Variants in DYSF observed in about 807,000 individuals in gnomAD.
DYSF encodes the protein dystrophy-associated fer-1-like 1.
DYSF carries 212 observed loss-of-function variants against 274.9 expected under a neutral mutation model. The ratio of observed to expected loss-of-function variants is 0.77; its 90% CI spans 0.69 to 0.86. The LOEUF (loss-of-function observed/expected upper bound fraction) is 0.86. Among genes scored for constraint, DYSF ranks in the 40% least tolerant of loss-of-function variants. The probability of loss-of-function intolerance (pLI) is 0.00; values close to 1 mark genes in which losing one functional copy is unlikely to be tolerated. For missense variants in DYSF, 2,666 were observed against 2,783.2 expected (o/e 0.96, Z 0.95); for synonymous variants, 1,091 against 1,078.7 (o/e 1.01, Z -0.22).
intron 17 of DYSF, among the ~76,000 whole-genome samples, chr2:71,550,614 G>C (rs1189033958): frequency 6.6e-6 from 1 of 152,154 alleles, no homozygotes; most frequent in East Asian, 1.9e-4. Flanking sequence ...TAGAAGCGTA[G>C]GATGGAGAGC....
chr2:71,458,950 G>C (rs1275658985), intron 1 of DYSF, among the ~76,000 whole-genome samples: 1 of 152,194 alleles, frequency 6.6e-6, no homozygotes, highest in African/African-American at 2.4e-5. Context: ...CACTATGCAC[G>C]ATTTCTCCCC....
At chr2:71,579,412 G>A (rs1425146129) in intron 30 of DYSF, among the ~76,000 whole-genome samples, 1 of 152,162 alleles carries the variant, frequency 6.6e-6, no homozygotes, top group East Asian at 1.9e-4. Context: ...ATTTTCTAAA[G>A]GCGTGCCTGA....
chr2:71,537,345 A>T (rs2089484680), intron 16 of DYSF, among the ~76,000 whole-genome samples: 1 of 148,230 alleles, frequency 6.7e-6, no homozygotes, highest in Non-Finnish European at 1.5e-5. Flanking sequence ...TCCCAGGTTC[A>T]AGCGATTCTC....
At chr2:71,502,406 A>G (rs1271990091) in intron 3 of DYSF, among the ~76,000 whole-genome samples, 1 of 151,896 alleles carries the variant, frequency 6.6e-6, no homozygotes, top group East Asian at 1.9e-4. Context: ...TTTCTCAGGG[A>G]GGCAAGCAGA....
chr2:71,525,137 A>C (rs1354257410), intron 12 of DYSF, among the ~76,000 whole-genome samples: 1 of 152,018 alleles, frequency 6.6e-6, no homozygotes, highest in Non-Finnish European at 1.5e-5. Context: ...CCACTGCTGC[A>C]TGGGTACTCT....
intron 24 of DYSF, among the ~76,000 whole-genome samples, chr2:71,566,661 A>C (rs2092127544): frequency 6.6e-6 from 1 of 152,160 alleles, no homozygotes; most frequent in Non-Finnish European, 1.5e-5. Context: ...AGTGGGGGTC[A>C]GGCATTCCTG....
At chr2:71,601,475 A>G in intron 34 of DYSF, 24 bp from the exon 35 acceptor site, 1 of 1,613,946 alleles carries the variant, frequency 6.2e-7, no homozygotes. Flanking sequence ...GCACATGACC[A>G]GAGCTCTCTT....
intron 4 of DYSF, among the ~76,000 whole-genome samples, chr2:71,507,058 C>G (rs1353178452): frequency 1.3e-5 from 2 of 152,180 alleles, no homozygotes; most frequent in East Asian, 3.9e-4. Flanking sequence ...AGCCCTCTCT[C>G]TGGAGAGGGC....
At chr2:71,664,213 C>T (rs569492456) in intron 45 of DYSF, 55 bp from the exon 46 acceptor site, 11 of 1,611,140 alleles carry the variant, frequency 6.8e-6, no homozygotes, top group African/African-American at 1.3e-5. Flanking sequence ...TCCTGCCCTG[C>T]CTGTCCCTTG....
At chr2:71,620,001 A>T (rs532256014) in intron 40 of DYSF, among the ~76,000 whole-genome samples, 1 of 152,040 alleles carries the variant, frequency 6.6e-6, no homozygotes, top group Non-Finnish European at 1.5e-5. Context: ...GGACTATAAG[A>T]CTCCTAAAGT....
At chr2:71,679,559 G>C (rs1007406920) in intron 53 of DYSF, among the ~76,000 whole-genome samples, 4 of 152,066 alleles carry the variant, frequency 2.6e-5, no homozygotes, top group Non-Finnish European at 5.9e-5. Flanking sequence ...TGGGTGAATG[G>C]GCGGGGGTCA....
In DYSF at chr2:71,674,314, A is replaced by G; in HGVS notation, c.5884+18A>G. On this transcript the variant is annotated intron_variant, in intron 52 of 55. Coordinates refer to ENST00000410020, the MANE Select transcript of DYSF (RefSeq NM_001130987.2). ...TTTTCTGGGTAAGCGCTATTGCTAG[A>G]ATCCCATTCTGCACATGGGGGCTGC... 1 of 1,612,304 alleles carries G rather than the reference A, an allele frequency of 6.2e-7. No homozygotes were observed. Among genetic ancestry groups the G allele is most frequent in the Non-Finnish European group, 8.5e-7 (1 of 1,178,302 alleles).
rs767969495 is a variant in DYSF, at chr2:71,665,230, A to G, written c.5243A>G (p.His1748Arg). The change falls in exon 47 of 56, where the codon CAT becomes CGT. Residue 1748 changes from histidine to arginine, a missense_variant. Physicochemically the swap from His to Arg is conservative, Grantham distance 29. Coordinates refer to ENST00000410020, the MANE Select transcript of DYSF (RefSeq NM_001130987.2). ...CTCCTCCACCTCTTCTGCCAGCAGCATAGAGTCAAGGCACCTGTGTACCGG... is the reference window on the plus strand; with the variant it reads ...CTCCTCCACCTCTTCTGCCAGCAGCGTAGAGTCAAGGCACCTGTGTACCGG... ...SQLLHLFCQQHRVKAPVYRTD... is the reference protein window; with the variant it reads ...SQLLHLFCQQRRVKAPVYRTD... 3.4e-5 allele frequency: 55 copies of G among 1,614,026 alleles called. No homozygotes were observed. Among genetic ancestry groups the G allele is most frequent in the Non-Finnish European group, 4.6e-5 (54 of 1,180,034 alleles).
At position 71,537,223 on chromosome 2, in the gene DYSF, G is replaced by GTTTTGTTTTTTTTTTTTTTTTT. The variant is rs1553536523; in HGVS notation, c.1493+1916_1493+1917insGTTTTTTTTTTTTTTTTTTTTT. Among the ~76,000 whole-genome samples, 2 of 79,626 alleles carry GTTTTGTTTTTTTTTTTTTTTTT rather than the reference G, an allele frequency of 2.5e-5. 1 individual carries two copies. Among genetic ancestry groups the GTTTTGTTTTTTTTTTTTTTTTT allele is most frequent in the Non-Finnish European group, 4.7e-5 (2 of 42,268 alleles). The allele number at this position is 79,626 out of a possible 152,430, so 52.2% of individuals were successfully genotyped here. A position where few individuals can be genotyped will look rare whatever the true frequency, so the allele number is the denominator to read the frequency against. On this transcript the variant is annotated intron_variant, in intron 16 of 55. Coordinates refer to ENST00000410020, the MANE Select transcript of DYSF (RefSeq NM_001130987.2). ...CAGGAAATTTTTACTTTCTAGTTTTGTTTTTTTTTTTTTTTTTTTTTTTGC... is the reference window on the plus strand; with the variant it reads ...CAGGAAATTTTTACTTTCTAGTTTTGTTTTGTTTTTTTTTTTTTTTTTTTTTTTTTTTTTTTTTTTTTTTTGC...
chr2:71,661,472 G>A (rs1038941025), intron 45 of DYSF, among the ~76,000 whole-genome samples: 2 of 152,234 alleles, frequency 1.3e-5, no homozygotes, highest in Admixed American at 6.5e-5. Flanking sequence ...TCTGTTATAC[G>A]ACATTGCATT....
intron 13 of DYSF, among the ~76,000 whole-genome samples, chr2:71,526,703 C>A (rs549778905): frequency 2.0e-5 from 3 of 152,228 alleles, no homozygotes; most frequent in Non-Finnish European, 4.4e-5. Flanking sequence ...TGAGGAAGCC[C>A]GTCCTGCTAG....
chr2:71,544,356 C>G (rs1339821679), intron 17 of DYSF, among the ~76,000 whole-genome samples: 1 of 151,952 alleles, frequency 6.6e-6, no homozygotes, highest in Non-Finnish European at 1.5e-5. Context: ...ACCCAGTGCT[C>G]TTGAAGCTGG....
chr2:71,457,658 G>A (rs971737725), intron 1 of DYSF, among the ~76,000 whole-genome samples: 4 of 152,158 alleles, frequency 2.6e-5, no homozygotes, highest in African/African-American at 9.7e-5. Flanking sequence ...TCTTATCTCA[G>A]GGGGTCCTTG....
chr2:71,591,007 A>G (rs998516576), intron 32 of DYSF, among the ~76,000 whole-genome samples: 4 of 152,146 alleles, frequency 2.6e-5, no homozygotes, highest in African/African-American at 9.7e-5. Flanking sequence ...CCTGATTTCA[A>G]GTATAGACAC....
Sources: allele counts gnomAD v4.1 joint callset (sites outside exome capture counted in the v4.1 genomes callset), GRCh38; gene constraint gnomAD v4.1.1; transcripts MANE v1.5; gene names NCBI Gene and HGNC (gene_info 2026-07-23, HGNC 2026-07-21).